LRRC37A2: variants seen among roughly 807,000 people sequenced by gnomAD.
LRRC37A2 encodes the protein leucine rich repeat containing 37 member A2.
LRRC37A2 carries 9 observed loss-of-function variants against 68.8 expected under a neutral mutation model. The ratio of observed to expected loss-of-function variants is 0.13; its 90% CI spans 0.08 to 0.23. The LOEUF is 0.23. LRRC37A2 is among the 10% of genes least tolerant of loss of function. LRRC37A2 has a pLI of 1.00. For synonymous variants in LRRC37A2, 63 were observed against 367.6 expected, an observed-to-expected ratio of 0.17 and a Z score of 9.48; for missense variants, 168 against 950.4, an observed-to-expected ratio of 0.18 and a Z score of 10.82.
the LRRC37A2 span, among the ~76,000 whole-genome samples, chr17:46,914,318 G>T: frequency 6.6e-6 from 1 of 151,964 alleles, no homozygotes; most frequent in African/African-American, 2.4e-5. Context: ...AGGAGAGTAG[G>T]GGGGCCACTA....
the LRRC37A2 span, among the ~76,000 whole-genome samples, chr17:46,772,478 C>G: frequency 6.6e-6 from 1 of 152,186 alleles, no homozygotes; most frequent in Non-Finnish European, 1.5e-5. Flanking sequence ...CTACCTGGCC[C>G]GAGGAGGGGC....
At chr17:46,944,501 TC>T in the LRRC37A2 span, among the ~76,000 whole-genome samples, 1 of 152,208 alleles carries the variant, frequency 6.6e-6, no homozygotes, top group Admixed American at 6.5e-5. Flanking sequence ...CTGGGCTGCT[TC>T]CTGGAGTCCC....
the LRRC37A2 span, chr17:46,932,648 C>T: frequency 3.6e-6 from 1 of 275,348 alleles, no homozygotes; most frequent in African/African-American, 2.2e-5. Context: ...TGCCCCTAGT[C>T]TGAGCAGCAA....
the LRRC37A2 span, among the ~76,000 whole-genome samples, chr17:47,000,297 C>G: frequency 6.8e-6 from 1 of 147,146 alleles, no homozygotes; most frequent in East Asian, 2.0e-4. Flanking sequence ...TGCAGTGGTT[C>G]GATCTTGGCT....
chr17:46,743,023 C>T, the LRRC37A2 span, among the ~76,000 whole-genome samples: 1 of 152,182 alleles, frequency 6.6e-6, no homozygotes, highest in Non-Finnish European at 1.5e-5. Flanking sequence ...GCTGCCTCTC[C>T]CTGAGGCCCC....
chr17:46,545,218 G>GCC (rs2145698822), intron 8 of LRRC37A2, among the ~76,000 whole-genome samples: 2 of 136,060 alleles, frequency 1.5e-5, no homozygotes, highest in South Asian at 4.5e-4. Flanking sequence ...GATTGCTTGA[G>GCC]CCCAGGAGTT....
chr17:46,535,243 C>T (rs1169597299), intron 6 of LRRC37A2, among the ~76,000 whole-genome samples: 1 of 148,034 alleles, frequency 6.8e-6, no homozygotes, highest in Non-Finnish European at 1.5e-5. Context: ...ATTGAGGATC[C>T]CTTGTATGTG....
chr17:47,048,589 T>C, the LRRC37A2 span, among the ~76,000 whole-genome samples: 2 of 102,906 alleles, frequency 1.9e-5, no homozygotes, highest in Admixed American at 2.2e-4. Flanking sequence ...ACAGTGCTTT[T>C]TTCCATGTCG....
At chr17:46,923,601 G>A in the LRRC37A2 span, 5 of 1,288,822 alleles carry the variant, frequency 3.9e-6, no homozygotes, top group African/African-American at 4.5e-5. Context: ...GCCCCTGGCC[G>A]TAGGAGTGTA....
the LRRC37A2 span, among the ~76,000 whole-genome samples, chr17:46,783,194 G>A: frequency 1.3e-5 from 2 of 152,200 alleles, no homozygotes; most frequent in Non-Finnish European, 2.9e-5. Context: ...TGCAGGCCCT[G>A]AGCTGGGACC....
the LRRC37A2 span, chr17:46,935,582 T>A: frequency 9.0e-7 from 1 of 1,115,368 alleles, no homozygotes; most frequent in Non-Finnish European, 1.1e-6. Flanking sequence ...GACTGCCTTA[T>A]AACTAAAACC....
the LRRC37A2 span, among the ~76,000 whole-genome samples, chr17:46,846,973 C>A: frequency 6.6e-6 from 1 of 152,204 alleles, no homozygotes; most frequent in Non-Finnish European, 1.5e-5. Flanking sequence ...TCCCAAATAC[C>A]TTTCCTGCAA....
the LRRC37A2 span, among the ~76,000 whole-genome samples, chr17:46,834,618 C>T: frequency 1.7e-4 from 26 of 152,272 alleles, no homozygotes; most frequent in African/African-American, 6.3e-4. Flanking sequence ...TCAGCCCTGT[C>T]CCTGAGGCTG....
At chr17:46,599,948 T>G in the LRRC37A2 span, among the ~76,000 whole-genome samples, 3 of 128,298 alleles carry the variant, frequency 2.3e-5, no homozygotes, top group Admixed American at 7.7e-5. Context: ...TTTTTTTTTT[T>G]TTTAGTTTTA....
At chr17:46,882,332 G>A in the LRRC37A2 span, among the ~76,000 whole-genome samples, 10 of 152,128 alleles carry the variant, frequency 6.6e-5, no homozygotes, top group African/African-American at 9.7e-5. Context: ...TGCATGTCTC[G>A]TGGAATACCT....
the LRRC37A2 span, among the ~76,000 whole-genome samples, chr17:46,707,268 A>T: frequency 6.6e-6 from 1 of 152,202 alleles, no homozygotes; most frequent in Admixed American, 6.5e-5. Flanking sequence ...GACCATATGC[A>T]TGTATTGTGT....
chr17:46,735,995 G>A, the LRRC37A2 span, among the ~76,000 whole-genome samples: 1 of 152,130 alleles, frequency 6.6e-6, no homozygotes. Context: ...CAGCTTGTAA[G>A]ATAGGAAAAC....
At chr17:46,764,909 G>A in the LRRC37A2 span, among the ~76,000 whole-genome samples, 1 of 152,244 alleles carries the variant, frequency 6.6e-6, no homozygotes, top group African/African-American at 2.4e-5. Context: ...AAGCCCAGGA[G>A]CAGGTCACTC....
At chr17:46,377,726 C>T in the LRRC37A2 span, among the ~76,000 whole-genome samples, 15 of 59,910 alleles carry the variant, frequency 2.5e-4, 2 homozygotes, top group African/African-American at 5.1e-4. Context: ...TGTGCCACCA[C>T]GCCCAGCTAA....
Sources: allele counts gnomAD v4.1 joint callset (sites outside exome capture counted in the v4.1 genomes callset), GRCh38; gene constraint gnomAD v4.1.1; transcripts MANE v1.5; gene names NCBI Gene and HGNC (gene_info 2026-07-23, HGNC 2026-07-21).